LMTK3: variants seen among roughly 807,000 people sequenced by gnomAD.
LMTK3 encodes lemur tail kinase 3.
LMTK3 carries 27 observed loss-of-function variants against 116.7 expected under a neutral mutation model. That is an observed-to-expected ratio of 0.23 (90% CI 0.17 to 0.32). The LOEUF (loss-of-function observed/expected upper bound fraction) is 0.32. Ranked by LOEUF, LMTK3 falls within the 10% of genes least tolerant of loss-of-function variation. The pLI is 1.00. For missense variants in LMTK3, 1,764 were observed against 2,068.5 expected (o/e 0.85, Z 2.86); for synonymous variants, 965 against 971.0 (o/e 0.99, Z 0.11).
chr19:48,499,447 C>A lies in LMTK3; in HGVS notation c.1622G>T (p.Arg541Leu). 6.8e-7 allele frequency: 1 copy of A among 1,472,056 alleles called. No individual in the cohort carries two copies. The highest frequency in any genetic ancestry group is 9.0e-7 in the Non-Finnish European group (1 of 1,111,730). The allele number at this position is 1,472,056 out of a possible 1,614,324, so 91.2% of individuals were successfully genotyped here. The part of the protein sequence containing the change: ...SPSVSSEYYI[R>L]LEEHGSPPEP... Reference sequence around the variant, plus strand: ...AGGAGGGGAGCCGTGCTCCTCCAAGCGGATGTAGTACTCGCTGCTCACGGA... The same window carrying A: ...AGGAGGGGAGCCGTGCTCCTCCAAGAGGATGTAGTACTCGCTGCTCACGGA... The change falls in exon 11 of 15, where the codon CGC (arginine) becomes CTC (leucine). Residue 541 changes from arginine to leucine, a missense_variant. Transcript: ENST00000600059.
intron 12 of LMTK3, 99 bp downstream of exon 12, chr19:48,493,595 C>T (rs1463941525): frequency 5.6e-6 from 8 of 1,429,960 alleles, no homozygotes; most frequent in African/African-American, 1.5e-5. Flanking sequence ...CAGGCCCCGC[C>T]CAACTCTAAG....
Position 48,491,673 on chromosome 19 carries a change from C to A in LMTK3, c.4093-134G>T. 1 of 838,868 alleles carries A rather than the reference C, an allele frequency of 1.2e-6. No homozygotes were observed. The allele number at this position is 838,868 out of a possible 1,614,324, so 52.0% of individuals were successfully genotyped here. ...CCCAATTTGTAATCACTGACTCGCA[C>A]GCTCTGGAGAGGTGGCTGGAGCCCC... On this transcript the variant is annotated intron_variant, in intron 12 of 14. Coordinates refer to ENST00000600059, the MANE Select transcript of LMTK3 (RefSeq NM_001388485.1). The surrounding 1 kb of genome is among the most constrained non-coding windows in gnomAD (Gnocchi z 5.1).
Position 48,499,459 on chromosome 19 carries a change from T to C in LMTK3, c.1610A>G (p.Glu537Gly), listed in dbSNP as rs1400817455. The change falls in exon 11 of 15, where the codon GAG becomes GGG. Residue 537 changes from glutamate to glycine, a missense_variant. Physicochemically the swap from Glu to Gly is moderately conservative, Grantham distance 98. Transcript: ENST00000600059. ...GTGCTCCTCCAAGCGGATGTAGTAC[T>C]CGCTGCTCACGGAGGGGCTGCGGGC... ...ISARSPSVSSEYYIRLEEHGS... is the reference protein window; with the variant it reads ...ISARSPSVSSGYYIRLEEHGS... 1 of 1,473,332 alleles carries C rather than the reference T, an allele frequency of 6.8e-7. No individual in the cohort carries two copies. The highest frequency in any genetic ancestry group is 2.5e-5 in the East Asian group (1 of 39,798). 91.3% of individuals were successfully genotyped at this position (1,473,332 alleles called of 1,614,324 possible). A position where few individuals can be genotyped will look rare whatever the true frequency, so the allele number is the denominator to read the frequency against.
At position 48,500,030 on chromosome 19, in the gene LMTK3, G is replaced by T; in HGVS notation, c.1152-113C>A. On this transcript the variant is annotated intron_variant, in intron 10 of 14. Coordinates refer to ENST00000600059, the MANE Select transcript of LMTK3 (RefSeq NM_001388485.1). This position sits in a 1 kb window ranked among gnomAD's most constrained non-coding sequence, Gnocchi z 4.0. ...GGACAGAGACCCAGAGGGTAACAGA[G>T]ACCCAGAGAGAGGGGGACAGAGACC... 9.9e-7 allele frequency: 1 copy of T among 1,012,910 alleles called. No individual in the cohort carries two copies. Among genetic ancestry groups the T allele is most frequent in the Non-Finnish European group, 1.4e-6 (1 of 715,174 alleles). The allele number at this position is 1,012,910 out of a possible 1,614,324, so 62.7% of individuals were successfully genotyped here.
rs780055149 is a variant in LMTK3 at position 48,498,386 on chromosome 19, C to T, written c.2683G>A (p.Gly895Arg). 1.2e-5 allele frequency: 20 copies of T among 1,612,094 alleles called. No homozygotes were observed. Among genetic ancestry groups the T allele is most frequent in the Middle Eastern group, 1.6e-4 (1 of 6,080 alleles). ...AGGCCCGGGACTTTCTCTCTGTTCC[C>T]GGGGCCTCTCCCCGCCTTCCTGGGT... ...TGPRKAGRGP[G>R]NREKVPGLNR... Residue 895 changes from glycine to arginine, a missense_variant, in exon 11 of 15, where the codon GGG becomes AGG. This residue lies in a region of LMTK3 where 1,028 missense variants were observed against 1,050.6 expected (regional missense o/e 0.98). Coordinates refer to ENST00000600059, the MANE Select transcript of LMTK3 (RefSeq NM_001388485.1).
At position 48,485,749 on chromosome 19, in the gene LMTK3, C is replaced by G; in HGVS notation, c.*24G>C. 1 of 1,608,410 alleles carries G rather than the reference C, an allele frequency of 6.2e-7. No individual in the cohort carries two copies. The highest frequency in any genetic ancestry group is 2.2e-5 in the East Asian group (1 of 44,710). On this transcript the variant is annotated 3_prime_UTR_variant, in exon 15 of 15. Transcript: ENST00000600059. ...ATTCTCAACCCCTCTTCTGAGGGTG[C>G]AGCGGGGTCGGGTCTTCGGGGAATC...
At chr19:48,501,615 C>A in intron 7 of LMTK3, 53 bp from the exon 8 acceptor site, 3 of 1,525,460 alleles carry the variant, frequency 2.0e-6, no homozygotes, top group Non-Finnish European at 8.8e-7. Context: ...CAGCCACGCC[C>A]TGACCCCGCC....
In LMTK3 at chr19:48,500,434, AAGAG is replaced by A. The variant is rs941243018; in HGVS notation, c.1152-521_1152-518del. On this transcript the variant is annotated intron_variant, in intron 10 of 14. Transcript: ENST00000600059. This position sits in a 1 kb window ranked among gnomAD's most constrained non-coding sequence, Gnocchi z 4.0. ...AGCAAAAATCTGCCAAAAAAAAAGA[AAGAG>A]AGAGAGGGACAGAGACCCAGAGAGA... Among the ~76,000 whole-genome samples, 5 of 142,924 alleles carry A rather than the reference AAGAG, an allele frequency of 3.5e-5. No individual in the cohort carries two copies. Among genetic ancestry groups the A allele is most frequent in the African/African-American group, 1.0e-4 (4 of 38,238 alleles). 93.8% of individuals were successfully genotyped at this position (142,924 alleles called of 152,430 possible). A position where few individuals can be genotyped will look rare whatever the true frequency, so the allele number is the denominator to read the frequency against.
intron 2 of LMTK3, 92 bp from the exon 3 acceptor site, chr19:48,510,265 T>G (rs1330332557): frequency 6.7e-7 from 1 of 1,483,320 alleles, no homozygotes; most frequent in African/African-American, 1.4e-5. Flanking sequence ...CCTTCATTTT[T>G]GTAACTGTCT....
chr19:48,491,395 C>A lies in LMTK3; in HGVS notation c.4228+9G>T. 1 of 1,401,482 alleles carries A rather than the reference C, an allele frequency of 7.1e-7. No individual in the cohort carries two copies. Among genetic ancestry groups the A allele is most frequent in the Non-Finnish European group, 9.3e-7 (1 of 1,077,856 alleles). 86.8% of individuals were successfully genotyped at this position (1,401,482 alleles called of 1,614,324 possible). On this transcript the variant is annotated intron_variant, in intron 13 of 14. Coordinates refer to ENST00000600059, the MANE Select transcript of LMTK3 (RefSeq NM_001388485.1). This position sits in a 1 kb window ranked among gnomAD's most constrained non-coding sequence, Gnocchi z 5.1. The stretch of plus-strand genomic sequence containing the variant: ...CCGCCCCCTCCCGCCCCATAGGGCC[C>A]GTCCTCACCAAAGCCGCTGTCGTTG...
At chr19:48,501,924 T>A (rs990968739) in intron 7 of LMTK3, among the ~76,000 whole-genome samples, 2 of 139,420 alleles carry the variant, frequency 1.4e-5, no homozygotes. Context: ...GTTCCTCTCC[T>A]GGACCCTCCT....
chr19:48,499,091 C>T lies in LMTK3; in HGVS notation c.1978G>A (p.Gly660Ser). ...PGEDSSSLGG[G>S]PSRRGPLPCP... ...GGTAGGGGACCCCGGCGGCTTGGGC[C>T]ACCTCCAAGGCTGCTGCTGTCTTCC... is the stretch of plus-strand genomic sequence containing the variant. Residue 660 changes from glycine to serine, a missense_variant, in exon 11 of 15, where the codon GGC becomes AGC. Physicochemically the swap from Gly to Ser is moderately conservative, Grantham distance 56. Around this residue, in one of 7 missense-constraint regions of LMTK3, gnomAD observed 1,028 missense variants for 1,050.6 expected, o/e 0.98. Coordinates refer to ENST00000600059, the MANE Select transcript of LMTK3 (RefSeq NM_001388485.1). 1 of 1,552,388 alleles carries T rather than the reference C, an allele frequency of 6.4e-7. No homozygotes were observed. The highest frequency in any genetic ancestry group is 8.7e-7 in the Non-Finnish European group (1 of 1,154,070).
At chr19:48,504,288 TGGA>T (rs1972525839) in intron 5 of LMTK3, among the ~76,000 whole-genome samples, 1 of 152,208 alleles carries the variant, frequency 6.6e-6, no homozygotes, top group South Asian at 2.1e-4. Flanking sequence ...AATGCCAGGT[TGGA>T]TACCCTCCCC....
chr19:48,505,031 C>G (rs1334876536), intron 5 of LMTK3, among the ~76,000 whole-genome samples: 6 of 150,162 alleles, frequency 4.0e-5, no homozygotes, highest in Non-Finnish European at 8.9e-5. Flanking sequence ...GCCCCTGTCT[C>G]TGTCACATAC....
Position 48,491,812 on chromosome 19 carries a change from G to A in LMTK3, c.4093-273C>T, listed in dbSNP as rs1317694047. On this transcript the variant is annotated intron_variant, in intron 12 of 14. Coordinates refer to ENST00000600059, the MANE Select transcript of LMTK3 (RefSeq NM_001388485.1). The surrounding 1 kb of genome is among the most constrained non-coding windows in gnomAD (Gnocchi z 5.1). ...TAGCCCAACGCAGGGATTCTCTCCTGGCTCATTAACGTGAGGCCTCCACCG... is the reference window on the plus strand; with the variant it reads ...TAGCCCAACGCAGGGATTCTCTCCTAGCTCATTAACGTGAGGCCTCCACCG... Among the ~76,000 whole-genome samples, 1 of 152,112 alleles carries A rather than the reference G, an allele frequency of 6.6e-6. No homozygotes were observed. Among genetic ancestry groups the A allele is most frequent in the African/African-American group, 2.4e-5 (1 of 41,400 alleles).
At chr19:48,507,238 C>T (rs1251365990) in intron 5 of LMTK3, among the ~76,000 whole-genome samples, 1 of 152,212 alleles carries the variant, frequency 6.6e-6, no homozygotes, top group Admixed American at 6.5e-5. Flanking sequence ...CAAATCCTCC[C>T]AGCAACGTGC....
Position 48,498,319 on chromosome 19 carries a change from G to T in LMTK3, c.2750C>A (p.Pro917Gln). ...CCCGTTCACTGGGAGGCTCAGGCTT[G>T]GGGCTTGTTTCCCGTTGCCCAGGAC... is the stretch of plus-strand genomic sequence containing the variant. ...PTVLGNGKQAPSLSLPVNGVT... is the reference protein window; with the variant it reads ...PTVLGNGKQAQSLSLPVNGVT... The change falls in exon 11 of 15, where the codon CCA becomes CAA. Residue 917 changes from proline to glutamine, a missense_variant. This residue lies in a region of LMTK3 where 1,028 missense variants were observed against 1,050.6 expected (regional missense o/e 0.98). Transcript: ENST00000600059. 6.2e-7 allele frequency: 1 copy of T among 1,613,302 alleles called. No homozygotes were observed. Among genetic ancestry groups the T allele is most frequent in the Non-Finnish European group, 8.5e-7 (1 of 1,179,726 alleles).
chr19:48,487,294 A>G (rs1211645334), intron 14 of LMTK3, among the ~76,000 whole-genome samples: 1 of 151,848 alleles, frequency 6.6e-6, no homozygotes, highest in African/African-American at 2.4e-5. Flanking sequence ...CGGCCTCCCA[A>G]AGTACTGGGA....
chr19:48,509,938 GC>G, intron 3 of LMTK3, 84 bp downstream of exon 3: 1 of 1,489,152 alleles, frequency 6.7e-7, no homozygotes, highest in African/African-American at 1.4e-5. Context: ...GGTCTCAACC[GC>G]CCCAGCCCCT....
Sources: gnomAD v4.1 joint callset for allele counts (sites outside exome capture counted in the v4.1 genomes callset) on GRCh38, gnomAD v4.1.1 for gene constraint, gnomAD v4.1.1 regional missense constraint, Gnocchi (gnomAD v3.1) non-coding constraint, MANE v1.5 for transcripts, NCBI Gene and HGNC (gene_info 2026-07-23, HGNC 2026-07-21) for gene names.